CEP128: variants seen among roughly 807,000 people sequenced by gnomAD.
The protein encoded by CEP128 is centrosomal protein 128, also known as centrosomal protein 128kDa.
Under a neutral mutation model 156.7 loss-of-function variants are expected in CEP128, and 132 were observed. The ratio of observed to expected loss-of-function variants is 0.84; its 90% confidence interval spans 0.73 to 0.97. The LOEUF (loss-of-function observed/expected upper bound fraction) is 0.97. Among genes scored for constraint, CEP128 ranks in the 50% least tolerant of loss-of-function variants. The pLI, the probability that CEP128 is intolerant of heterozygous loss-of-function variation, is 0.00. For missense variants in CEP128, 1,252 were observed against 1,281.9 expected (o/e 0.98, Z 0.36); for synonymous variants, 469 against 448.9 (o/e 1.04, Z -0.57).
At chr14:80,905,801 C>G in intron 5 of CEP128, 154 bp downstream of exon 5, 1 of 639,950 alleles carries the variant, frequency 1.6e-6, no homozygotes, top group Non-Finnish European at 2.5e-6. Flanking sequence ...CAATATATTT[C>G]AAAGCATGTA....
chr14:80,940,283 T>A (rs1886072223), intron 1 of CEP128, among the ~76,000 whole-genome samples: 1 of 152,170 alleles, frequency 6.6e-6, no homozygotes, highest in African/African-American at 2.4e-5. Context: ...ATAGGCACAG[T>A]GCACACTTCA....
intron 19 of CEP128, among the ~76,000 whole-genome samples, chr14:80,660,818 ATCC>A (rs1225958285): frequency 6.6e-6 from 1 of 152,216 alleles, no homozygotes; most frequent in Non-Finnish European, 1.5e-5. Flanking sequence ...CCATTTGGCT[ATCC>A]TGTCTCTTCA....
intron 8 of CEP128, among the ~76,000 whole-genome samples, chr14:80,874,589 A>G (rs899045347): frequency 2.0e-5 from 3 of 152,216 alleles, no homozygotes; most frequent in African/African-American, 4.8e-5. Flanking sequence ...GAAAGTAACT[A>G]GAAAGCTAGA....
At chr14:80,671,242 A>C (rs1469633323) in intron 19 of CEP128, among the ~76,000 whole-genome samples, 1 of 152,228 alleles carries the variant, frequency 6.6e-6, no homozygotes, top group Non-Finnish European at 1.5e-5. Flanking sequence ...CCACTAAATA[A>C]ATAAAAGCAA....
intron 19 of CEP128, among the ~76,000 whole-genome samples, chr14:80,650,442 T>C (rs562686948): frequency 6.6e-6 from 1 of 152,284 alleles, no homozygotes; most frequent in Admixed American, 6.5e-5. Context: ...GGCCAGAACT[T>C]CCAAAACTAT....
Position 80,743,309 on chromosome 14 carries a change from A to C in CEP128, c.2614-42T>G, listed in dbSNP as rs181398334. On this transcript the variant is annotated intron_variant, in intron 18 of 24. Coordinates refer to ENST00000555265, the MANE Select transcript of CEP128 (RefSeq NM_152446.5). The stretch of plus-strand genomic sequence containing the variant: ...ATATCTAATGGTTAAAGAAACTCAG[A>C]AAAGAGCAGCATTTCAAAACATGAA... The C allele has an allele frequency of 2.2e-6, 3 of 1,336,800 alleles. No homozygotes were observed. In the Admixed American group the frequency reaches 5.6e-5, roughly 25 times the overall value. The allele number at this position is 1,336,800 out of a possible 1,614,324, so 82.8% of individuals were successfully genotyped here.
intron 19 of CEP128, among the ~76,000 whole-genome samples, chr14:80,662,555 T>C (rs1895445320): frequency 6.6e-6 from 1 of 152,158 alleles, no homozygotes; most frequent in African/African-American, 2.4e-5. Flanking sequence ...AATTTGACAG[T>C]GTGCAGTTAA....
chr14:80,895,655 T>C (rs1006211582), intron 8 of CEP128, 63 bp downstream of exon 8: 11 of 1,200,402 alleles, frequency 9.2e-6, no homozygotes, highest in African/African-American at 1.5e-5. Flanking sequence ...TCACTGTGAT[T>C]ATGACCAGCC....
At chr14:80,766,273 A>G (rs1335838715) in intron 16 of CEP128, among the ~76,000 whole-genome samples, 1 of 152,222 alleles carries the variant, frequency 6.6e-6, no homozygotes, top group Admixed American at 6.5e-5. Context: ...AGAAAGGCTC[A>G]TATTGTTGAC....
At chr14:80,520,871 G>A (rs917189352) in intron 23 of CEP128, among the ~76,000 whole-genome samples, 1 of 151,986 alleles carries the variant, frequency 6.6e-6, no homozygotes, top group African/African-American at 2.4e-5. Flanking sequence ...CACCCAGGCT[G>A]GAGTGCAGTG....
intron 20 of CEP128, among the ~76,000 whole-genome samples, chr14:80,562,102 A>G (rs544494822): frequency 0.018 from 2,643 of 143,388 alleles, 37 homozygotes; most frequent in Middle Eastern, 0.068. Flanking sequence ...TAATTTTTTT[A>G]TTTTTAGTAG....
At chr14:80,494,610 C>CT (rs770135033), downstream of CEP128, among the ~76,000 whole-genome samples, 3 of 152,094 alleles carry the variant, frequency 2.0e-5, no homozygotes, top group Non-Finnish European at 2.9e-5. Flanking sequence ...TTAACAACTA[C>CT]TAAATGGCTC....
intron 9 of CEP128, among the ~76,000 whole-genome samples, chr14:80,845,701 GT>G (rs771413247): frequency 4.0e-5 from 6 of 151,696 alleles, no homozygotes; most frequent in African/African-American, 1.5e-4. Context: ...GTTTAGAAGG[GT>G]TTTTTTTGTT....
intron 19 of CEP128, among the ~76,000 whole-genome samples, chr14:80,619,066 C>T (rs1334855814): frequency 6.6e-6 from 1 of 152,038 alleles, no homozygotes; most frequent in Admixed American, 6.6e-5. Flanking sequence ...GAACACTGCC[C>T]GCATAGCATA....
intron 19 of CEP128, among the ~76,000 whole-genome samples, chr14:80,647,004 T>TAC (rs1894661893): frequency 8.2e-6 from 1 of 121,770 alleles, no homozygotes; most frequent in African/African-American, 2.7e-5. Context: ...AATATATATA[T>TAC]ATATATATGT....
At chr14:80,534,467 G>C (rs1159443844) in intron 21 of CEP128, among the ~76,000 whole-genome samples, 3 of 152,166 alleles carry the variant, frequency 2.0e-5, no homozygotes, top group Non-Finnish European at 4.4e-5. Flanking sequence ...TGTTTTCTAA[G>C]TTGGTTAATT....
intron 19 of CEP128, among the ~76,000 whole-genome samples, chr14:80,709,406 G>A (rs549308999): frequency 6.6e-6 from 1 of 152,208 alleles, no homozygotes; most frequent in East Asian, 1.9e-4. Context: ...CCAAAGTGGT[G>A]GGATTACAGG....
chr14:80,802,549 G>A (rs1280853596), intron 13 of CEP128, among the ~76,000 whole-genome samples: 2 of 150,610 alleles, frequency 1.3e-5, no homozygotes, highest in Non-Finnish European at 3.0e-5. Context: ...GGGGAGTGGG[G>A]GGTGAGGGGA....
At chr14:80,620,354 C>A (rs1893426615) in intron 19 of CEP128, among the ~76,000 whole-genome samples, 1 of 152,020 alleles carries the variant, frequency 6.6e-6, no homozygotes, top group East Asian at 1.9e-4. Context: ...ACTAAAAAAT[C>A]TTCTAGAACT....
Sources: allele counts gnomAD v4.1 joint callset (sites outside exome capture counted in the v4.1 genomes callset), GRCh38; gene constraint gnomAD v4.1.1; transcripts MANE v1.5; gene names NCBI Gene and HGNC (gene_info 2026-07-23, HGNC 2026-07-21).